Variants in LMF1 observed in about 807,000 individuals in gnomAD.
LMF1 encodes transmembrane protein 112.
Under a neutral mutation model 60.6 loss-of-function variants are expected in LMF1, and 68 were observed. The ratio of observed to expected loss-of-function variants is 1.12; its 90% confidence interval spans 0.92 to 1.37. LMF1 has a LOEUF of 1.37. LMF1 is among the 40% of genes most tolerant of loss of function. The probability of loss-of-function intolerance (pLI) is 0.00; values close to 1 mark genes in which losing one functional copy is unlikely to be tolerated. For synonymous variants in LMF1, 418 were observed against 324.7 expected, an observed-to-expected ratio of 1.29 and a Z score of -3.09; for missense variants, 948 against 767.2, an observed-to-expected ratio of 1.24 and a Z score of -2.78.
rs146627912 is a variant in LMF1, at chr16:939,817, A to C, written c.504-5563T>G. On this transcript the variant is annotated intron_variant, in intron 2 of 10. Transcript: ENST00000262301. ...TAAGTGACCAGACAGGGAATAAAAC[A>C]GGGTGCGCAGTCTGAGCCCACCTTT... 2.6e-3 allele frequency among the ~76,000 whole-genome samples: 390 copies of C among 152,386 alleles called. 5 individuals carry two copies. The highest frequency in any genetic ancestry group is 9.0e-3 in the African/African-American group (374 of 41,592).
chr16:868,375 G>A (rs1232380550), intron 10 of LMF1, among the ~76,000 whole-genome samples: 1 of 152,196 alleles, frequency 6.6e-6, no homozygotes, highest in Non-Finnish European at 1.5e-5. Flanking sequence ...CCTGCGTGGA[G>A]TCTGGAAAGT....
chr16:934,036 G>GC, intron 3 of LMF1: 1 of 1,507,324 alleles, frequency 6.6e-7, no homozygotes, highest in African/African-American at 1.4e-5. Flanking sequence ...GTCTCTAGGT[G>GC]CCCGGGGCCT....
At chr16:886,263 G>A (rs951910381) in intron 5 of LMF1, among the ~76,000 whole-genome samples, 2 of 152,184 alleles carry the variant, frequency 1.3e-5, no homozygotes, top group Admixed American at 1.3e-4. Flanking sequence ...AGGCGCTGCT[G>A]TCCTTGGCTG....
intron 3 of LMF1, chr16:933,745 C>T (rs1036147776): frequency 6.2e-5 from 21 of 336,942 alleles, no homozygotes; most frequent in African/African-American, 3.0e-4. Context: ...ACCGTCCTCC[C>T]GGCCCTGTCC....
At position 954,366 on chromosome 16, in the gene LMF1, C is replaced by A; in HGVS notation, c.494G>T (p.Gly165Val). The A allele has an allele frequency of 2.5e-6, 4 of 1,611,774 alleles. No homozygotes were observed. Among genetic ancestry groups the A allele is most frequent in the Non-Finnish European group, 3.4e-6 (4 of 1,179,418 alleles). ...WGLYMSLVNV[G>V]HVWYSFGWES... ...CATTCCTGCTACTCACCAGACATGGCCCACATTAACCAGGGACATGTAGAG... is the reference window on the plus strand; with the variant it reads ...CATTCCTGCTACTCACCAGACATGGACCACATTAACCAGGGACATGTAGAG... The change falls in exon 2 of 11, where the codon GGC (glycine) becomes GTC (valine). Residue 165 changes from glycine (G) to valine (V), a missense_variant. By Grantham distance (109) the Gly-to-Val change is moderately radical. Transcript: ENST00000262301.
rs549111443 is a variant in LMF1 at position 897,030 on chromosome 16, C to T, written c.664-3958G>A. On this transcript the variant is annotated intron_variant, in intron 4 of 10. Coordinates refer to ENST00000262301, the MANE Select transcript of LMF1 (RefSeq NM_022773.4). The surrounding 1 kb of genome is among the most constrained non-coding windows in gnomAD (Gnocchi z 4.3). ...AAAATGGCACAGACAGGCCAATAAA[C>T]GCACCAGACCCAAAGGGAGCCGGGG... Among the ~76,000 whole-genome samples, 1 of 151,966 alleles carries T rather than the reference C, an allele frequency of 6.6e-6. No homozygotes were observed.
At chr16:977,510 G>A (rs1295458477) in intron 1 of LMF1, among the ~76,000 whole-genome samples, 3 of 152,224 alleles carry the variant, frequency 2.0e-5, no homozygotes, top group Non-Finnish European at 2.9e-5. Context: ...GTGCCAGGAC[G>A]CTGCCAACTG....
chr16:970,653 C>T (rs1303166875), intron 1 of LMF1, 135 bp downstream of exon 1: 2 of 808,032 alleles, frequency 2.5e-6, no homozygotes, highest in Middle Eastern at 3.4e-4. Context: ...CCGCCTTGCC[C>T]GGGCCCCAGC....
At chr16:975,163 C>T (rs2073111388), upstream of LMF1, among the ~76,000 whole-genome samples, 1 of 152,176 alleles carries the variant, frequency 6.6e-6, no homozygotes, top group South Asian at 2.1e-4. Context: ...CCCTCGGCTA[C>T]AGGTCACGAG....
intron 10 of LMF1, among the ~76,000 whole-genome samples, chr16:864,732 C>A (rs1185346320): frequency 6.6e-6 from 1 of 150,584 alleles, no homozygotes; most frequent in Non-Finnish European, 1.5e-5. Flanking sequence ...TCTTGGGTCA[C>A]TGTAGCCTCA....
chr16:955,649 C>T (rs1317536276), intron 1 of LMF1, among the ~76,000 whole-genome samples: 1 of 152,212 alleles, frequency 6.6e-6, no homozygotes, highest in Non-Finnish European at 1.5e-5. Flanking sequence ...AAACTAGATG[C>T]TTGTATATAA....
chr16:950,442 G>A (rs1460329585), intron 2 of LMF1, among the ~76,000 whole-genome samples: 5 of 123,944 alleles, frequency 4.0e-5, no homozygotes, highest in Admixed American at 2.5e-4. Flanking sequence ...TAGAGACAAC[G>A]ACAGAGTCAG....
At position 934,246 on chromosome 16, in the gene LMF1, A is replaced by G. The variant is rs376658034; in HGVS notation, c.512T>C (p.Phe171Ser). The change falls in exon 3 of 11, where the codon TTC (phenylalanine) becomes TCC (serine). Residue 171 changes from phenylalanine (F) to serine (S), a missense_variant and splice_region_variant. Physicochemically the swap from Phe to Ser is radical, Grantham distance 155 (BLOSUM62 -2). Transcript: ENST00000262301. ...TTCTCTAAATGCATCTCACTTACCG[A>G]AAGAGTACCTGAAAAACAAAAGAAG... Reference protein sequence around the residue: ...LVNVGHVWYSFGWESQLLETG... With the variant: ...LVNVGHVWYSSGWESQLLETG... The G allele has an allele frequency of 4.9e-5, 78 of 1,599,262 alleles. No homozygotes were observed. The highest frequency in any genetic ancestry group is 6.1e-5 in the Non-Finnish European group (72 of 1,179,756).
chr16:980,154 G>A (rs11863963), intron 1 of LMF1: 3 of 215,338 alleles, frequency 1.4e-5, no homozygotes, highest in Non-Finnish European at 2.8e-5. Context: ...ACCGCCCTCC[G>A]GGCAGGTGAC....
chr16:946,264 A>T (rs2072235910), intron 2 of LMF1, among the ~76,000 whole-genome samples: 1 of 152,184 alleles, frequency 6.6e-6, no homozygotes, highest in African/African-American at 2.4e-5. Context: ...CACGAAGGGG[A>T]GGGGACAGCT....
At position 879,618 on chromosome 16, in the gene LMF1, G is replaced by A. The variant is rs367643755; in HGVS notation, c.849C>T (p.Leu283=). The A allele has an allele frequency of 1.1e-4, 173 of 1,613,290 alleles. No individual in the cohort carries two copies. Among genetic ancestry groups the A allele is most frequent in the African/African-American group, 2.0e-4 (15 of 74,918 alleles). Residue 283 remains leucine (L), a synonymous_variant, in exon 6 of 11, where the codon CTC becomes CTT. Coordinates refer to ENST00000262301, the MANE Select transcript of LMF1 (RefSeq NM_022773.4). ...IELLVPFFLF[L]GRRACIIHGV... ...CGTGGATGATGCACGCCCGCCGGCCGAGGAAGAGGAAGAAGGGCACCAGGA... is the reference window on the plus strand; with the variant it reads ...CGTGGATGATGCACGCCCGCCGGCCAAGGAAGAGGAAGAAGGGCACCAGGA...
intron 1 of LMF1, among the ~76,000 whole-genome samples, chr16:955,645 G>T (rs1434714733): frequency 6.6e-6 from 1 of 152,198 alleles, no homozygotes; most frequent in African/African-American, 2.4e-5. Context: ...AAGCAAACTA[G>T]ATGCTTGTAT....
chr16:931,584 C>A, intron 3 of LMF1: 1 of 1,256,894 alleles, frequency 8.0e-7, no homozygotes, highest in South Asian at 1.3e-5. Flanking sequence ...GATCAGGAAG[C>A]CTGACCTTCC....
chr16:869,624 A>T (rs924138360), intron 9 of LMF1: 14 of 656,320 alleles, frequency 2.1e-5, no homozygotes, highest in Non-Finnish European at 3.9e-5. Context: ...TCGCTATGGC[A>T]CCCGGGCTGG....
Sources: allele counts gnomAD v4.1 joint callset (sites outside exome capture counted in the v4.1 genomes callset), GRCh38; gene constraint gnomAD v4.1.1; non-coding constraint Gnocchi (gnomAD v3.1); transcripts MANE v1.5; gene names NCBI Gene and HGNC (gene_info 2026-07-23, HGNC 2026-07-21).